Variants in MICAL2 observed in about 807,000 individuals in gnomAD.
MICAL2 encodes microtubule associated monooxygenase, calponin and LIM domain containing 2, also known as [F-actin]-monooxygenase MICAL2.
Under a neutral mutation model 127.3 loss-of-function variants are expected in MICAL2, and 77 were observed. The observed-to-expected ratio is 0.60, with a 90% CI of 0.50 to 0.73. The LOEUF (loss-of-function observed/expected upper bound fraction) is 0.73. Ranked by LOEUF, MICAL2 falls within the 30% of genes least tolerant of loss-of-function variation. The probability of loss-of-function intolerance (pLI) is 0.00; values close to 1 mark genes in which losing one functional copy is unlikely to be tolerated. For synonymous variants in MICAL2, 570 were observed against 551.1 expected, an observed-to-expected ratio of 1.03 and a Z score of -0.48; for missense variants, 1,351 against 1,434.4, an observed-to-expected ratio of 0.94 and a Z score of 0.94.
rs7129488 is a variant in MICAL2, at chr11:12,356,436, A to T, written c.5689+1579A>T. 3.7e-3 allele frequency among the ~76,000 whole-genome samples: 567 copies of T among 152,218 alleles called. 1 individual carries two copies. Among genetic ancestry groups the T allele is most frequent in the Non-Finnish European group, 6.1e-3 (413 of 68,016 alleles). On this transcript the variant is annotated intron_variant, in intron 34 of 34. Coordinates refer to the MICAL2 transcript ENST00000646065. ...CTGTCTCTCCCCAGGGTGACTGGCA[A>T]GTAATGGGAAAAGGCAGGTCTGTGT...
chr11:12,134,303 AT>A (rs1347937056), intron 1 of MICAL2, among the ~76,000 whole-genome samples: 1 of 151,854 alleles, frequency 6.6e-6, no homozygotes, highest in Non-Finnish European at 1.5e-5. Flanking sequence ...AGCTATCTGG[AT>A]TTTTTTTCTG....
downstream of MICAL2, chr11:12,293,631 G>C: frequency 3.7e-6 from 6 of 1,614,076 alleles, no homozygotes; most frequent in East Asian, 1.3e-4. Flanking sequence ...AACTTTCGGA[G>C]GCGAGCCGTA....
chr11:12,349,757 C>A, intron 32 of MICAL2: 2 of 1,356,788 alleles, frequency 1.5e-6, no homozygotes, highest in Non-Finnish European at 2.1e-6. Flanking sequence ...ACAAACATAA[C>A]CTGCTAAAGT....
intron 2 of MICAL2, among the ~76,000 whole-genome samples, chr11:12,283,732 T>G (rs1215793534): frequency 6.6e-6 from 1 of 152,182 alleles, no homozygotes; most frequent in Non-Finnish European, 1.5e-5. Context: ...TGTATATTAT[T>G]TTCCACAATT....
downstream of MICAL2, among the ~76,000 whole-genome samples, chr11:12,359,813 T>C (rs1939182405): frequency 6.6e-6 from 1 of 152,198 alleles, no homozygotes; most frequent in Non-Finnish European, 1.5e-5. Context: ...CTCTTGGTTG[T>C]GTATTTGGCC....
Position 12,354,859 on chromosome 11 carries a change from T to G in MICAL2, c.5689+2T>G. On this transcript the variant is annotated splice_donor_variant, in intron 34 of 34. Coordinates refer to the MICAL2 transcript ENST00000646065. LOFTEE classifies it high-confidence loss of function. ...TGAGAGAGAAAATGCTCAAGGAGGGTGAGTATGCTTGGGCCTTTGTTGAGA... is the reference window on the plus strand; with the variant it reads ...TGAGAGAGAAAATGCTCAAGGAGGGGGAGTATGCTTGGGCCTTTGTTGAGA... 6.2e-7 allele frequency: 1 copy of G among 1,612,860 alleles called. No homozygotes were observed. Among genetic ancestry groups the G allele is most frequent in the South Asian group, 1.1e-5 (1 of 90,814 alleles).
chr11:12,238,371 C>T (rs994085575), intron 16 of MICAL2, among the ~76,000 whole-genome samples: 11 of 152,142 alleles, frequency 7.2e-5, no homozygotes, highest in African/African-American at 1.9e-4. Context: ...TATGGAACTC[C>T]GTTTTATAAA....
At chr11:12,201,617 G>A (rs966986032) in intron 3 of MICAL2, among the ~76,000 whole-genome samples, 1 of 152,138 alleles carries the variant, frequency 6.6e-6, no homozygotes, top group African/African-American at 2.4e-5. Flanking sequence ...CAGTATCGAT[G>A]TTCCTCGTAA....
Position 12,259,758 on chromosome 11 carries a change from T to G in MICAL2, c.3232-37T>G, listed in dbSNP as rs191757975. 6 of 1,510,358 alleles carry G rather than the reference T, an allele frequency of 4.0e-6. No individual in the cohort carries two copies. In the East Asian group the frequency reaches 1.4e-4, roughly 35 times the overall value. The allele number at this position is 1,510,358 out of a possible 1,614,324, so 93.6% of individuals were successfully genotyped here. ...TTGTTGAAGTAGTCCTCTGGAAGAC[T>G]TACAGACAAATGCCCTCATTTCCAT... On this transcript the variant is annotated intron_variant, in intron 25 of 27. Transcript: ENST00000683283.
intron 30 of MICAL2, among the ~76,000 whole-genome samples, chr11:12,320,714 T>A (rs979602858): frequency 1.3e-5 from 2 of 152,076 alleles, no homozygotes; most frequent in East Asian, 3.9e-4. Flanking sequence ...ATTAGGAGAT[T>A]TGACATCATC....
chr11:12,183,802 ACAGGGTCTCACTCTGTTGTC>A (rs1226332990), intron 3 of MICAL2, among the ~76,000 whole-genome samples: 3 of 151,862 alleles, frequency 2.0e-5, no homozygotes, highest in Non-Finnish European at 4.4e-5. Flanking sequence ...TTTTTTTGAG[ACAGGGTCTCACTCTGTTGTC>A]CAGGCTGTTG....
At chr11:12,325,294 G>C (rs1222407105) in intron 31 of MICAL2, among the ~76,000 whole-genome samples, 1 of 152,070 alleles carries the variant, frequency 6.6e-6, no homozygotes, top group Non-Finnish European at 1.5e-5. Flanking sequence ...ATTTTTAGTA[G>C]AGACGGGTTT....
In MICAL2 at chr11:12,226,280, G is replaced by A; in HGVS notation, c.1798G>A (p.Ala600Thr). Residue 600 changes from alanine to threonine, a missense_variant, in exon 14 of 28, where the codon GCA (alanine) becomes ACA (threonine). Physicochemically the swap from Ala to Thr is moderately conservative, Grantham distance 58. Transcript: ENST00000683283. ...TCCAGTGACCACGGGCAAAGAGATG[G>A]CATCTGCCCAGGAGCCTGACAAGCT... ...IPPVTTGKEM[A>T]SAQEPDKLSM... is the part of the protein sequence containing the mutation. 6.2e-7 allele frequency: 1 copy of A among 1,614,242 alleles called. No individual in the cohort carries two copies. Among genetic ancestry groups the A allele is most frequent in the African/African-American group, 1.3e-5 (1 of 75,062 alleles).
In MICAL2 at chr11:12,313,961, A is replaced by ATTTTTTT. The variant is rs60681621; in HGVS notation, c.5213-5719_5213-5713dup. On this transcript the variant is annotated intron_variant, in intron 29 of 34. Transcript: ENST00000646065. ...TTTCTGGCCTTAATGTCTTGGTCTG[A>ATTTTTTT]TTTTTTTTTTTTTTTTTTTTTTGAT... Among the ~76,000 whole-genome samples, 123 of 43,764 alleles carry ATTTTTTT rather than the reference A, an allele frequency of 2.8e-3. 3 individuals carry two copies. Among genetic ancestry groups the ATTTTTTT allele is most frequent in the African/African-American group, 3.3e-3 (35 of 10,758 alleles). The allele number at this position is 43,764 out of a possible 152,430, so 28.7% of individuals were successfully genotyped here.
chr11:12,219,653 C>A (rs1017120705), intron 8 of MICAL2, among the ~76,000 whole-genome samples: 4 of 151,604 alleles, frequency 2.6e-5, no homozygotes, highest in African/African-American at 9.7e-5. Flanking sequence ...CTTGTTTGAC[C>A]ACTAAACATG....
At chr11:12,311,272 G>T (rs1864171099) in intron 29 of MICAL2, among the ~76,000 whole-genome samples, 1 of 151,996 alleles carries the variant, frequency 6.6e-6, no homozygotes, top group Non-Finnish European at 1.5e-5. Context: ...TGGTCATAAT[G>T]TACTACCTTT....
At chr11:12,353,617 C>T (rs1290248696) in intron 33 of MICAL2, among the ~76,000 whole-genome samples, 1 of 152,182 alleles carries the variant, frequency 6.6e-6, no homozygotes, top group Admixed American at 6.5e-5. Flanking sequence ...GTGGGGAGCT[C>T]ACACACCCAC....
intron 26 of MICAL2, chr11:12,261,545 A>T: frequency 1.0e-6 from 1 of 985,534 alleles, no homozygotes; most frequent in African/African-American, 1.7e-5. Context: ...TACGGTGCGC[A>T]GTGTATCTGG....
chr11:12,277,176 C>T lies in MICAL2; in HGVS notation c.87+1010C>T, dbSNP rs77597033. 1.2e-4 allele frequency among the ~76,000 whole-genome samples: 18 copies of T among 152,074 alleles called. 1 individual carries two copies. In the East Asian group the frequency reaches 3.5e-3, roughly 29 times the overall value. On this transcript the variant is annotated intron_variant, in intron 1 of 2. Transcript: ENST00000529028. Reference sequence around the variant, plus strand: ...CAGTAGGGTTCTGCTCTGGAGCCTGCGTGTCAGCTGGGGTGACAGAGGGCT... The same window carrying T: ...CAGTAGGGTTCTGCTCTGGAGCCTGTGTGTCAGCTGGGGTGACAGAGGGCT...
Sources: gnomAD v4.1 joint callset for allele counts (sites outside exome capture counted in the v4.1 genomes callset) on GRCh38, gnomAD v4.1.1 for gene constraint, MANE v1.5 for transcripts, NCBI Gene and HGNC (gene_info 2026-07-23, HGNC 2026-07-21) for gene names.